VRK2: variants seen among roughly 807,000 people sequenced by gnomAD.
VRK2 encodes serine/threonine-protein kinase VRK2.
In VRK2, 60 loss-of-function variants were observed where a neutral mutation model predicts 57.6. That is an observed-to-expected ratio of 1.04 (90% CI 0.85 to 1.29). The LOEUF (loss-of-function observed/expected upper bound fraction) is 1.29. VRK2 is among the 50% of genes most tolerant of loss of function. The pLI, the probability that VRK2 is intolerant of heterozygous loss-of-function variation, is 0.00. For missense variants in VRK2, 705 were observed against 588.1 expected (o/e 1.20, Z -2.06); for synonymous variants, 231 against 199.2 (o/e 1.16, Z -1.35).
At chr2:58,114,987 G>A (rs949694258) in intron 7 of VRK2, among the ~76,000 whole-genome samples, 3 of 152,162 alleles carry the variant, frequency 2.0e-5, no homozygotes, top group Non-Finnish European at 4.4e-5. Flanking sequence ...AGGGAAGGGA[G>A]GGGGCCTGAA....
chr2:58,002,178 G>A (rs191368392), intron 1 of VRK2, among the ~76,000 whole-genome samples: 2 of 152,248 alleles, frequency 1.3e-5, no homozygotes, highest in Admixed American at 6.5e-5. Flanking sequence ...AATCTCAAGA[G>A]ATATTTAAAA....
chr2:58,048,422 C>T, intron 1 of VRK2: 2 of 576,298 alleles, frequency 3.5e-6, no homozygotes, highest in East Asian at 1.4e-4. Flanking sequence ...GACTGAAGAC[C>T]TTCTCACTTT....
At chr2:58,140,065 T>C (rs1184811937) in intron 11 of VRK2, among the ~76,000 whole-genome samples, 3 of 152,080 alleles carry the variant, frequency 2.0e-5, no homozygotes, top group African/African-American at 7.2e-5. Flanking sequence ...AAGCAGTCAC[T>C]ACTGTCATAG....
chr2:58,062,502 A>C (rs1677497051), intron 2 of VRK2, among the ~76,000 whole-genome samples: 1 of 152,110 alleles, frequency 6.6e-6, no homozygotes, highest in Non-Finnish European at 1.5e-5. Context: ...GGCCTCTTAA[A>C]CACCAGTTAG....
At chr2:57,931,990 A>G (rs553508244) in intron 1 of VRK2, among the ~76,000 whole-genome samples, 40 of 152,008 alleles carry the variant, frequency 2.6e-4, no homozygotes, top group Non-Finnish European at 2.6e-4. Context: ...GTCTGTTTTT[A>G]TGGCAGTACC....
At chr2:58,118,875 G>A (rs1676957544) in intron 7 of VRK2, among the ~76,000 whole-genome samples, 1 of 152,198 alleles carries the variant, frequency 6.6e-6, no homozygotes, top group African/African-American at 2.4e-5. Flanking sequence ...AAAGGAGGTT[G>A]TTCTCTGGTG....
At chr2:58,085,795 A>T (rs974536958) in intron 4 of VRK2, among the ~76,000 whole-genome samples, 1 of 151,908 alleles carries the variant, frequency 6.6e-6, no homozygotes, top group African/African-American at 2.4e-5. Context: ...AACATAGGCT[A>T]GAGTCATGAA....
intron 2 of VRK2, among the ~76,000 whole-genome samples, chr2:58,082,524 C>T (rs1572997380): frequency 6.6e-6 from 1 of 151,788 alleles, no homozygotes. Context: ...CCTTGGAAAC[C>T]ATACTAGTAA....
chr2:57,991,734 G>C (rs1292677730), intron 1 of VRK2, among the ~76,000 whole-genome samples: 2 of 151,324 alleles, frequency 1.3e-5, no homozygotes, highest in Non-Finnish European at 2.9e-5. Context: ...CGGATCACGA[G>C]GTCTAGATCG....
chr2:57,931,168 G>A (rs548644944), intron 1 of VRK2, among the ~76,000 whole-genome samples: 63 of 152,026 alleles, frequency 4.1e-4, no homozygotes, highest in African/African-American at 1.3e-3. Context: ...GTAATAAGAC[G>A]GCTGGACCAT....
At chr2:58,003,312 T>C (rs148335199) in intron 1 of VRK2, among the ~76,000 whole-genome samples, 5 of 152,168 alleles carry the variant, frequency 3.3e-5, no homozygotes, top group African/African-American at 9.7e-5. Flanking sequence ...CTGCTTACTA[T>C]TATTTATTCC....
upstream of VRK2, among the ~76,000 whole-genome samples, chr2:58,041,935 C>T (rs1375978718): frequency 2.0e-5 from 3 of 151,974 alleles, no homozygotes; most frequent in Non-Finnish European, 2.9e-5. Context: ...TTCAAGCTGT[C>T]GGGCCTTTCC....
chr2:58,125,428 G>A (rs1336268237), intron 8 of VRK2, among the ~76,000 whole-genome samples: 1 of 151,762 alleles, frequency 6.6e-6, no homozygotes, highest in Non-Finnish European at 1.5e-5. Flanking sequence ...TGTTGAATAT[G>A]TTGGTAAGAT....
chr2:58,152,637 C>T (rs764850191), intron 12 of VRK2, among the ~76,000 whole-genome samples: 36 of 151,794 alleles, frequency 2.4e-4, no homozygotes, highest in Non-Finnish European at 4.9e-4. Flanking sequence ...GTATATATTT[C>T]CTGGAATCTA....
intron 1 of VRK2, among the ~76,000 whole-genome samples, chr2:57,984,958 C>A (rs562256368): frequency 4.3e-4 from 65 of 149,712 alleles, no homozygotes; most frequent in African/African-American, 1.6e-3. Flanking sequence ...ATATATAGAG[C>A]ATTTAACAAC....
At chr2:58,068,889 T>A (rs1669001087) in intron 2 of VRK2, among the ~76,000 whole-genome samples, 1 of 152,110 alleles carries the variant, frequency 6.6e-6, no homozygotes, top group Non-Finnish European at 1.5e-5. Context: ...TTTTTGTATT[T>A]TCTGTCTTTG....
At chr2:58,094,629 C>A (rs548961033) in intron 7 of VRK2, among the ~76,000 whole-genome samples, 1 of 152,222 alleles carries the variant, frequency 6.6e-6, no homozygotes, top group African/African-American at 2.4e-5. Flanking sequence ...TTCCTCTTTT[C>A]CTAATTGAGT....
At position 58,084,072 on chromosome 2, in the gene VRK2, G is replaced by GT. The variant is rs543926036; in HGVS notation, c.137-9dup. On this transcript the variant is annotated splice_polypyrimidine_tract_variant and intron_variant, in intron 2 of 12. Coordinates refer to ENST00000340157, the MANE Select transcript of VRK2 (RefSeq NM_006296.7). ...GAATAACTATTTTTCTCCATTGTGTGTTTTTTTTGTCTGCAGCTTTCCCCA... is the reference window on the plus strand; with the variant it reads ...GAATAACTATTTTTCTCCATTGTGTGTTTTTTTTTGTCTGCAGCTTTCCCCA... The GT allele has an allele frequency of 4.5e-5, 72 of 1,600,426 alleles. No individual in the cohort carries two copies. The highest frequency in any genetic ancestry group is 1.7e-4 in the Middle Eastern group (1 of 5,996).
intron 8 of VRK2, among the ~76,000 whole-genome samples, chr2:58,123,660 A>C (rs980148204): frequency 2.0e-5 from 3 of 152,034 alleles, no homozygotes; most frequent in African/African-American, 7.2e-5. Flanking sequence ...CTAGGAGTTC[A>C]AGACCAGTTT....
Sources: gnomAD v4.1 joint callset for allele counts (sites outside exome capture counted in the v4.1 genomes callset) on GRCh38, gnomAD v4.1.1 for gene constraint, MANE v1.5 for transcripts, NCBI Gene and HGNC (gene_info 2026-07-23, HGNC 2026-07-21) for gene names.